Variants in FAM135B observed in about 807,000 individuals in gnomAD.
FAM135B encodes the protein family with sequence similarity 135 member B.
Under a neutral mutation model 127.7 loss-of-function variants are expected in FAM135B, and 43 were observed. The observed-to-expected ratio is 0.34, with a 90% CI of 0.26 to 0.43. The LOEUF is 0.43. Among genes scored for constraint, FAM135B ranks in the 20% least tolerant of loss-of-function variants. The pLI is 1.00. For missense variants in FAM135B, 1,558 were observed against 1,725.6 expected (o/e 0.90, Z 1.72); for synonymous variants, 670 against 665.1 (o/e 1.01, Z -0.11).
Position 138,484,200 on chromosome 8 carries a change from T to A in FAM135B, c.-20+12471A>T, listed in dbSNP as rs1419862196. 3.3e-5 allele frequency among the ~76,000 whole-genome samples: 5 copies of A among 152,162 alleles called. No homozygotes were observed. The South Asian group carries it at 8.3e-4, about 25-fold the overall frequency. ...TGCAACCCTTCACGCAGACCTGATA[T>A]GAGGGATCCTCAAATAAATCCCCTC... On this transcript the variant is annotated intron_variant, in intron 1 of 19. Coordinates refer to ENST00000395297, the MANE Select transcript of FAM135B (RefSeq NM_015912.4).
At chr8:138,382,680 C>A (rs1831933965) in intron 1 of FAM135B, among the ~76,000 whole-genome samples, 1 of 152,138 alleles carries the variant, frequency 6.6e-6, no homozygotes, top group Non-Finnish European at 1.5e-5. Flanking sequence ...CATAGTGTGG[C>A]ACCTGGCACC....
chr8:138,257,894 A>AT (rs1045221452), intron 4 of FAM135B, among the ~76,000 whole-genome samples: 1 of 138,112 alleles, frequency 7.2e-6, no homozygotes, highest in African/African-American at 2.6e-5. Context: ...ATAAAAAAAA[A>AT]AATAAAACAA....
intron 1 of FAM135B, among the ~76,000 whole-genome samples, chr8:138,426,136 G>A (rs11775670): frequency 0.59 from 82,938 of 139,736 alleles, 25,829 homozygotes; most frequent in African/African-American, 0.7. Flanking sequence ...GTGTGTGTGT[G>A]TGTATATATA....
intron 6 of FAM135B, among the ~76,000 whole-genome samples, chr8:138,250,391 T>G (rs1055753117): frequency 6.6e-6 from 1 of 152,064 alleles, no homozygotes; most frequent in African/African-American, 2.4e-5. Flanking sequence ...TGAATGAACC[T>G]TCTACATTTG....
chr8:138,340,687 C>A (rs1828987012), intron 2 of FAM135B, among the ~76,000 whole-genome samples: 1 of 152,110 alleles, frequency 6.6e-6, no homozygotes, highest in Non-Finnish European at 1.5e-5. Context: ...TCCTCGTGGT[C>A]CAGCTCTCCC....
chr8:138,160,555 A>ATTTTT (rs61562037), intron 12 of FAM135B, among the ~76,000 whole-genome samples: 10 of 142,578 alleles, frequency 7.0e-5, no homozygotes, highest in African/African-American at 2.3e-4. Context: ...TGCCCAGCTC[A>ATTTTT]TTTTTTTTTT....
intron 7 of FAM135B, among the ~76,000 whole-genome samples, chr8:138,213,823 A>G (rs1427551777): frequency 1.3e-5 from 2 of 152,218 alleles, no homozygotes; most frequent in African/African-American, 2.4e-5. Context: ...AGAGGACAGT[A>G]TCAAGGAGGC....
At chr8:138,410,122 GC>G (rs1402558828) in intron 1 of FAM135B, among the ~76,000 whole-genome samples, 1 of 152,098 alleles carries the variant, frequency 6.6e-6, no homozygotes, top group Non-Finnish European at 1.5e-5. Flanking sequence ...CACTGTAAAG[GC>G]TGACTTAGAG....
In FAM135B at chr8:138,332,454, C is replaced by G. The variant is rs566789199; in HGVS notation, c.78-21534G>C. 2.3e-4 allele frequency among the ~76,000 whole-genome samples: 35 copies of G among 152,226 alleles called. No individual in the cohort carries two copies. In the South Asian group the frequency reaches 7.1e-3, roughly 31 times the overall value. The stretch of plus-strand genomic sequence containing the variant: ...GTCATACAATTAAGATGCCATATCC[C>G]AATTTTCAGAAGATGAACCTGAAAT... On this transcript the variant is annotated intron_variant, in intron 2 of 19. Coordinates refer to ENST00000395297, the MANE Select transcript of FAM135B (RefSeq NM_015912.4).
intron 2 of FAM135B, among the ~76,000 whole-genome samples, chr8:138,359,289 A>G (rs1175317394): frequency 6.6e-6 from 1 of 152,208 alleles, no homozygotes; most frequent in African/African-American, 2.4e-5. Flanking sequence ...ACTGACTGTA[A>G]GTGATCAATA....
intron 2 of FAM135B, among the ~76,000 whole-genome samples, chr8:138,321,007 A>G (rs1361157044): frequency 6.6e-6 from 1 of 152,180 alleles, no homozygotes; most frequent in East Asian, 1.9e-4. Flanking sequence ...ATCTGACATG[A>G]CCTAAAATAC....
chr8:138,472,099 C>A (rs1258785455), intron 1 of FAM135B, among the ~76,000 whole-genome samples: 1 of 152,006 alleles, frequency 6.6e-6, no homozygotes. Flanking sequence ...GTTGAGACAA[C>A]CTTGTCAAGA....
intron 2 of FAM135B, among the ~76,000 whole-genome samples, chr8:138,357,115 T>C (rs1830137596): frequency 6.6e-6 from 1 of 152,044 alleles, no homozygotes; most frequent in African/African-American, 2.4e-5. Context: ...TTTTAGAGCA[T>C]ATTATTTATA....
At chr8:138,417,384 C>T (rs1313546515) in intron 1 of FAM135B, among the ~76,000 whole-genome samples, 1 of 152,186 alleles carries the variant, frequency 6.6e-6, no homozygotes, top group African/African-American at 2.4e-5. Flanking sequence ...CAGGCCCTCA[C>T]CACCAGCAAC....
intron 4 of FAM135B, among the ~76,000 whole-genome samples, chr8:138,265,111 T>C (rs1221211923): frequency 6.6e-6 from 1 of 152,158 alleles, no homozygotes; most frequent in Non-Finnish European, 1.5e-5. Flanking sequence ...GCAATGATGC[T>C]GTTTCCCCTT....
intron 1 of FAM135B, among the ~76,000 whole-genome samples, chr8:138,379,292 T>C (rs1454967699): frequency 6.6e-6 from 1 of 152,172 alleles, no homozygotes; most frequent in Non-Finnish European, 1.5e-5. Context: ...ATTTTAGTGC[T>C]CCCATTTTCC....
chr8:138,484,304 T>C (rs1276036089), intron 1 of FAM135B, among the ~76,000 whole-genome samples: 1 of 152,136 alleles, frequency 6.6e-6, no homozygotes, highest in Non-Finnish European at 1.5e-5. Flanking sequence ...CTTGAGTAAA[T>C]AGGGTATTTT....
At chr8:138,458,520 G>T (rs566805781) in intron 1 of FAM135B, among the ~76,000 whole-genome samples, 1 of 152,300 alleles carries the variant, frequency 6.6e-6, no homozygotes, top group African/African-American at 2.4e-5. Context: ...TCCTGGATTT[G>T]GCAGGAATGG....
chr8:138,302,864 T>G (rs1338814702), intron 3 of FAM135B, among the ~76,000 whole-genome samples: 1 of 152,240 alleles, frequency 6.6e-6, no homozygotes, highest in Non-Finnish European at 1.5e-5. Flanking sequence ...AATTTTATGC[T>G]GGGTAAGTAT....
Sources: allele counts gnomAD v4.1 joint callset (sites outside exome capture counted in the v4.1 genomes callset), GRCh38; gene constraint gnomAD v4.1.1; transcripts MANE v1.5; gene names NCBI Gene and HGNC (gene_info 2026-07-23, HGNC 2026-07-21).